The following MYBBP1A variants were observed in gnomAD, a reference collection of about 807,000 sequenced individuals.
MYBBP1A encodes the protein myb-binding protein 1A.
In MYBBP1A, 147 loss-of-function variants were observed where a neutral mutation model predicts 136.3. That is an observed-to-expected ratio of 1.08 (90% confidence interval 0.94 to 1.24). The LOEUF is 1.24. Ranked by LOEUF, MYBBP1A falls within the 50% of genes most tolerant of loss-of-function variation. The pLI, the probability that MYBBP1A is intolerant of heterozygous loss-of-function variation, is 0.00. For missense variants in MYBBP1A, 2,060 were observed against 1,727.4 expected, an observed-to-expected ratio of 1.19 and a Z score of -3.41; for synonymous variants, 947 against 735.8, an observed-to-expected ratio of 1.29 and a Z score of -4.65.
chr17:4,541,743 G>A (rs1223860093), intron 23 of MYBBP1A, 41 bp downstream of exon 23: 6 of 1,559,460 alleles, frequency 3.8e-6, no homozygotes, highest in South Asian at 1.1e-5. Context: ...CCGGAGAACT[G>A]ATTCTGAGGG....
At position 4,553,815 on chromosome 17, in the gene MYBBP1A, A is replaced by C; in HGVS notation, c.556T>G (p.Ser186Ala). 1 of 1,613,818 alleles carries C rather than the reference A, an allele frequency of 6.2e-7. No homozygotes were observed. Among genetic ancestry groups the C allele is most frequent in the South Asian group, 1.1e-5 (1 of 91,076 alleles). Residue 186 changes from serine (S) to alanine (A), a missense_variant, in exon 5 of 26, where the codon TCC (serine) becomes GCC (alanine). By Grantham distance (99) the Ser-to-Ala change is moderately conservative. Coordinates refer to ENST00000254718, the MANE Select transcript of MYBBP1A (RefSeq NM_014520.4). The stretch of plus-strand genomic sequence containing the variant: ...CACAGCTGGGGAGCTCATACCTCGG[A>C]GAGGATGTCCACCAGGGCCTTCCGG... ...QPRKALVDILSEVSKATLQEI... is the reference protein window; with the variant it reads ...QPRKALVDILAEVSKATLQEI...
chr17:4,552,153 GC>G lies in MYBBP1A; in HGVS notation c.876del (p.Leu293CysfsTer2). The G allele has an allele frequency of 1.2e-6, 2 of 1,614,210 alleles. No homozygotes were observed. Among genetic ancestry groups the G allele is most frequent in the Non-Finnish European group, 1.7e-6 (2 of 1,180,026 alleles). Reference protein sequence around the residue: ...PRFWKEVVEQGLLKMQFWPAS... With the variant: ...PRFWKEVVEQXLLKMQFWPAS... Reference sequence around the variant, plus strand: ...GCTGGCCAGAACTGCATCTTCAGCAGCCCTTGTTCCACCACCTCCTTCCAGA... The same window carrying G: ...GCTGGCCAGAACTGCATCTTCAGCAGCCTTGTTCCACCACCTCCTTCCAGA... On this transcript the variant is annotated frameshift_variant, in exon 7 of 26. Coordinates refer to ENST00000254718, the MANE Select transcript of MYBBP1A (RefSeq NM_014520.4). LOFTEE classifies it high-confidence loss of function. This position sits in a 1 kb window ranked among gnomAD's most constrained non-coding sequence, Gnocchi z 4.7.
intron 2 of MYBBP1A, 67 bp from the exon 3 acceptor site, chr17:4,554,345 C>G: frequency 2.2e-6 from 3 of 1,370,236 alleles, no homozygotes; most frequent in South Asian, 2.4e-5. Context: ...CTTCACAAAC[C>G]TTAACCTCCC....
At chr17:4,541,406 GCCCCAAGGC>G (rs1906409040) in intron 24 of MYBBP1A, 48 bp downstream of exon 24, 5 of 1,476,772 alleles carry the variant, frequency 3.4e-6, no homozygotes, top group Admixed American at 3.3e-5. Context: ...TGGCCGGGAG[GCCCCAAGGC>G]CCCCAAGAGG....
Position 4,545,902 on chromosome 17 carries a change from G to A in MYBBP1A, c.1865C>T (p.Thr622Ile), listed in dbSNP as rs200619847. The change falls in exon 14 of 26, where the codon ACC becomes ATC. Residue 622 changes from threonine to isoleucine, a missense_variant. Coordinates refer to ENST00000254718, the MANE Select transcript of MYBBP1A (RefSeq NM_014520.4). Reference protein sequence around the residue: ...ESCDLLGDIQTCIRKSLGEKP... With the variant: ...ESCDLLGDIQICIRKSLGEKP... ...CTCTCCCAGACTTTTCCTGATGCAG[G>A]TCTGGATGTCACCCAGCAGGTCACA... 92 of 1,613,274 alleles carry A rather than the reference G, an allele frequency of 5.7e-5. No individual in the cohort carries two copies. Among genetic ancestry groups the A allele is most frequent in the Non-Finnish European group, 3.1e-5 (37 of 1,180,022 alleles).
Position 4,552,243 on chromosome 17 carries a change from TG to T in MYBBP1A, c.786del (p.Lys263SerfsTer32). ...KMAASSVKKD[R>X]KLPAIALDLL... ...AGGTCCAGAGCAATGGCGGGCAGCT[TG>T]CGGTCCTTCTTCACAGAGGAGGCGG... is the stretch of plus-strand genomic sequence containing the variant. On this transcript the variant is annotated frameshift_variant, in exon 7 of 26. Transcript: ENST00000254718. LOFTEE classifies it high-confidence loss of function. This position sits in a 1 kb window ranked among gnomAD's most constrained non-coding sequence, Gnocchi z 4.7. 6.2e-7 allele frequency: 1 copy of T among 1,614,186 alleles called. No individual in the cohort carries two copies.
chr17:4,551,791 G>T, intron 8 of MYBBP1A, 89 bp downstream of exon 8: 3 of 1,155,064 alleles, frequency 2.6e-6, no homozygotes, highest in Non-Finnish European at 2.6e-6. Flanking sequence ...CTCTAGCCAA[G>T]CCCCCGAGGT....
rs1906420134 is a variant in MYBBP1A at position 4,541,475 on chromosome 17, G to C, written c.3285C>G (p.Thr1095=). 18 of 1,613,362 alleles carry C rather than the reference G, an allele frequency of 1.1e-5. No homozygotes were observed. Among genetic ancestry groups the C allele is most frequent in the Non-Finnish European group, 1.5e-5 (18 of 1,179,958 alleles). ...SLELLNVLFR[T]CKHEKLTLDL... ...GCCCCCGCCTCACCTCATGTTTGCA[G>C]GTCCTGAAGAGAACGTTGAGCAGCT... Residue 1095 remains threonine, a synonymous_variant, in exon 24 of 26, where the codon ACC becomes ACG. Coordinates refer to ENST00000254718, the MANE Select transcript of MYBBP1A (RefSeq NM_014520.4).
chr17:4,540,571 C>G, intron 24 of MYBBP1A, 87 bp from the exon 25 acceptor site: 1 of 1,430,862 alleles, frequency 7.0e-7, no homozygotes, highest in East Asian at 2.5e-5. Context: ...TGCCCTGTTG[C>G]TGCCTCACCA....
chr17:4,542,295 C>T (rs1014519171), intron 22 of MYBBP1A, 169 bp downstream of exon 22: 13 of 758,498 alleles, frequency 1.7e-5, no homozygotes, highest in Admixed American at 2.9e-5. Flanking sequence ...GGCCAGGGCA[C>T]GGCCACCCCC....
chr17:4,551,718 A>G lies in MYBBP1A; in HGVS notation c.1023+162T>C, dbSNP rs552021275. ...GAGCAAAACTTCATCTCAAAAAAAAAAAATTTGTCCGAGGGAAAGGGGTTC... is the reference window on the plus strand; with the variant it reads ...GAGCAAAACTTCATCTCAAAAAAAAGAAATTTGTCCGAGGGAAAGGGGTTC... On this transcript the variant is annotated intron_variant, in intron 8 of 25. Coordinates refer to ENST00000254718, the MANE Select transcript of MYBBP1A (RefSeq NM_014520.4). 1.3e-4 allele frequency among the ~76,000 whole-genome samples: 20 copies of G among 152,288 alleles called. No individual in the cohort carries two copies. In the South Asian group the frequency reaches 1.9e-3, roughly 14 times the overall value.
Position 4,539,203 on chromosome 17 carries a change from T to TGGGGA in MYBBP1A, c.*207_*211dup. 6.9e-7 allele frequency: 1 copy of TGGGGA among 1,451,350 alleles called. No individual in the cohort carries two copies. Among genetic ancestry groups the TGGGGA allele is most frequent in the South Asian group, 1.5e-5 (1 of 68,440 alleles). 89.9% of individuals were successfully genotyped at this position (1,451,350 alleles called of 1,614,324 possible). On this transcript the variant is annotated 3_prime_UTR_variant, in exon 26 of 26. Transcript: ENST00000254718. Reference sequence around the variant, plus strand: ...CAGGGTCCCAGCCCAGAACCGGGGGTGGGGAGGTCTCTGCACCCTGGGACC... The same window carrying TGGGGA: ...CAGGGTCCCAGCCCAGAACCGGGGGTGGGGAGGGGAGGTCTCTGCACCCTGGGACC...
Position 4,541,451 on chromosome 17 carries a change from C to A in MYBBP1A, c.3297+12G>T. The stretch of plus-strand genomic sequence containing the variant: ...AACCCGAACACGACCGCGGACTGGG[C>A]CCCCGCCTCACCTCATGTTTGCAGG... On this transcript the variant is annotated intron_variant, in intron 24 of 25. Transcript: ENST00000254718. 2 of 1,609,556 alleles carry A rather than the reference C, an allele frequency of 1.2e-6. No individual in the cohort carries two copies. Among genetic ancestry groups the A allele is most frequent in the South Asian group, 1.1e-5 (1 of 91,024 alleles).
At chr17:4,540,211 T>C in intron 25 of MYBBP1A, 137 bp downstream of exon 25, 1 of 1,302,590 alleles carries the variant, frequency 7.7e-7, no homozygotes, top group South Asian at 1.4e-5. Flanking sequence ...AGAATGCGCT[T>C]GAGTGCATGT....
rs182788968 is a variant in MYBBP1A, at chr17:4,548,581, G to A, written c.1499C>T (p.Pro500Leu). The A allele has an allele frequency of 5.6e-5, 91 of 1,614,118 alleles. No homozygotes were observed. The highest frequency in any genetic ancestry group is 1.6e-4 in the Middle Eastern group (1 of 6,084). The change falls in exon 11 of 26, where the codon CCG becomes CTG. Residue 500 changes from proline (P) to leucine (L), a missense_variant. By Grantham distance (98) the Pro-to-Leu change is moderately conservative. Coordinates refer to ENST00000254718, the MANE Select transcript of MYBBP1A (RefSeq NM_014520.4). This position sits in a 1 kb window ranked among gnomAD's most constrained non-coding sequence, Gnocchi z 4.2. ...PTSQIPETKH[P>L]FSFPLENQAR... is the part of the protein sequence containing the mutation. ...CTGGTTTTCCAAAGGGAAGGAGAAC[G>A]GGTGCTTTGTCTCAGGGATCTGGGA...
chr17:4,548,013 G>T lies in MYBBP1A; in HGVS notation c.1769C>A (p.Ala590Asp). ...LKELEAHSAE[A>D]RAAAFQHLLL... is the part of the protein sequence containing the mutation. The stretch of plus-strand genomic sequence containing the variant: ...AAGGTGCTGGAAGGCAGCAGCCCTG[G>T]CCTCTGCGGAGTGGGCCTCCAGCTC... Residue 590 changes from alanine to aspartate, a missense_variant, in exon 13 of 26, where the codon GCC becomes GAC. Transcript: ENST00000254718. This position sits in a 1 kb window ranked among gnomAD's most constrained non-coding sequence, Gnocchi z 4.2. 6.5e-7 allele frequency: 1 copy of T among 1,546,234 alleles called. No individual in the cohort carries two copies. Among genetic ancestry groups the T allele is most frequent in the South Asian group, 1.2e-5 (1 of 84,278 alleles).
At chr17:4,547,693 C>T in intron 13 of MYBBP1A, 1 of 415,618 alleles carries the variant, frequency 2.4e-6, no homozygotes, top group Non-Finnish European at 4.3e-6. Context: ...TTAGTTTCTC[C>T]ATGTCAAACA....
In MYBBP1A at chr17:4,540,502, G is replaced by A. The variant is rs778900881; in HGVS notation, c.3298-18C>T. The A allele has an allele frequency of 1.8e-5, 29 of 1,596,226 alleles. No homozygotes were observed. In the South Asian group the frequency reaches 2.9e-4, roughly 16 times the overall value. On this transcript the variant is annotated intron_variant, in intron 24 of 25. Transcript: ENST00000254718. ...GTCAGCTTCTGCAGAGGGTGGGAAG[G>A]CAGAGCTGTGGGGCCACAGAGGGCG...
intron 15 of MYBBP1A, 44 bp downstream of exon 15, chr17:4,545,566 A>C (rs770216574): frequency 6.5e-7 from 1 of 1,540,704 alleles, no homozygotes; most frequent in South Asian, 1.3e-5. Flanking sequence ...CTCGCTGCTC[A>C]GTGAGCCCCA....
Sources: gnomAD v4.1 joint callset for allele counts (sites outside exome capture counted in the v4.1 genomes callset) on GRCh38, gnomAD v4.1.1 for gene constraint, Gnocchi (gnomAD v3.1) non-coding constraint, MANE v1.5 for transcripts, NCBI Gene and HGNC (gene_info 2026-07-23, HGNC 2026-07-21) for gene names.